CDH6: variants seen among roughly 807,000 people sequenced by gnomAD.
The protein encoded by CDH6 is cadherin-6.
Under a neutral mutation model 78.0 loss-of-function variants are expected in CDH6, and 31 were observed. The ratio of observed to expected loss-of-function variants is 0.40; its 90% confidence interval spans 0.30 to 0.54. CDH6 has a LOEUF of 0.54. Ranked by LOEUF, CDH6 falls within the 20% of genes least tolerant of loss-of-function variation. The pLI is 0.56. For missense variants in CDH6, 724 were observed against 975.9 expected, an observed-to-expected ratio of 0.74 and a Z score of 3.44; for synonymous variants, 376 against 368.8, an observed-to-expected ratio of 1.02 and a Z score of -0.23.
chr5:31,233,766 C>G (rs1741380312), intron 1 of CDH6, among the ~76,000 whole-genome samples: 1 of 152,172 alleles, frequency 6.6e-6, no homozygotes, highest in Admixed American at 6.5e-5. Flanking sequence ...GAGAGGTCCT[C>G]CTTGACTTTA....
At chr5:31,272,403 T>C (rs533422904) in intron 2 of CDH6, among the ~76,000 whole-genome samples, 8 of 152,266 alleles carry the variant, frequency 5.3e-5, no homozygotes, top group Middle Eastern at 3.4e-3. Flanking sequence ...AATAGAAAAA[T>C]AGAGGGAAGC....
At chr5:31,235,236 C>CTTTTTTTTTTTTTTTTTTT (rs543675071) in intron 1 of CDH6, among the ~76,000 whole-genome samples, 2 of 110,644 alleles carry the variant, frequency 1.8e-5, no homozygotes, top group African/African-American at 3.4e-5. Flanking sequence ...ATTCCTTTTT[C>CTTTTTTTTTTTTTTTTTTT]TTTTTTTTTT....
chr5:31,229,356 G>T (rs1461460094), intron 1 of CDH6, among the ~76,000 whole-genome samples: 1 of 152,202 alleles, frequency 6.6e-6, no homozygotes, highest in African/African-American at 2.4e-5. Context: ...AAAATAGATT[G>T]GAGGGTAGGA....
Position 31,317,900 on chromosome 5 carries a change from C to A in CDH6, c.1858C>A (p.Leu620Ile). 1 of 1,613,784 alleles carries A rather than the reference C, an allele frequency of 6.2e-7. No homozygotes were observed. The highest frequency in any genetic ancestry group is 1.3e-5 in the African/African-American group (1 of 75,056). The change falls in exon 11 of 12, where the codon CTT becomes ATT. Residue 620 changes from leucine to isoleucine, a missense_variant. Physicochemically the swap from Leu to Ile is conservative, Grantham distance 5. Transcript: ENST00000265071. ...GAGCACGGGGGCTCTGGTTGCCATCCTTCTGTGCATCGTGATCCTACTAGG... is the reference window on the plus strand; with the variant it reads ...GAGCACGGGGGCTCTGGTTGCCATCATTCTGTGCATCGTGATCCTACTAGG... ...GLSTGALVAILLCIVILLVTV... is the reference protein window; with the variant it reads ...GLSTGALVAIILCIVILLVTV...
rs202029688 is a variant in CDH6, at chr5:31,264,384, C to A, written c.-128-2962C>A. Among the ~76,000 whole-genome samples, 19 of 152,192 alleles carry A rather than the reference C, an allele frequency of 1.2e-4. No individual in the cohort carries two copies. In the East Asian group the frequency reaches 3.7e-3, roughly 29 times the overall value. The stretch of plus-strand genomic sequence containing the variant: ...TGTTCTAAATGGTTTGCATGTAATG[C>A]CTCATTTAATCCTTATAACACCCTA... On this transcript the variant is annotated intron_variant, in intron 1 of 11. Transcript: ENST00000265071.
At chr5:31,278,078 T>G (rs1488510305) in intron 2 of CDH6, among the ~76,000 whole-genome samples, 1 of 152,188 alleles carries the variant, frequency 6.6e-6, no homozygotes, top group East Asian at 1.9e-4. Context: ...AGTATTATAT[T>G]AACTATAGTC....
At chr5:31,280,724 A>T (rs1742840273) in intron 2 of CDH6, among the ~76,000 whole-genome samples, 1 of 152,118 alleles carries the variant, frequency 6.6e-6, no homozygotes, top group South Asian at 2.1e-4. Context: ...CTCTTTGCTA[A>T]TGTTTCAGTT....
chr5:31,317,690 T>C lies in CDH6; in HGVS notation c.1648T>C (p.Leu550=), dbSNP rs1738363107. ...QDNKDNTAGI[L]TRKNGYNRHE... is the part of the protein sequence containing the mutation. ...GGTTCCAGACAACACGGCGGGAATCTTAACTCGGAAAAATGGCTATAATAG... is the reference window on the plus strand; with the variant it reads ...GGTTCCAGACAACACGGCGGGAATCCTAACTCGGAAAAATGGCTATAATAG... The change falls in exon 11 of 12, where the codon TTA becomes CTA. Residue 550 remains leucine, a synonymous_variant. Transcript: ENST00000265071. 1.6e-5 allele frequency: 25 copies of C among 1,609,986 alleles called. No homozygotes were observed. Among genetic ancestry groups the C allele is most frequent in the Non-Finnish European group, 2.0e-5 (24 of 1,176,586 alleles).
intron 7 of CDH6, among the ~76,000 whole-genome samples, chr5:31,312,258 A>T (rs1332400419): frequency 6.6e-6 from 1 of 152,188 alleles, no homozygotes; most frequent in Non-Finnish European, 1.5e-5. Flanking sequence ...CAGCTTCAGC[A>T]TAGCAAAAAT....
At chr5:31,244,924 C>A (rs998296157) in intron 1 of CDH6, among the ~76,000 whole-genome samples, 2 of 152,230 alleles carry the variant, frequency 1.3e-5, no homozygotes, top group Non-Finnish European at 2.9e-5. Context: ...GAGCCCCCCA[C>A]AAACAGCAGC....
At chr5:31,273,162 A>T (rs1282174965) in intron 2 of CDH6, among the ~76,000 whole-genome samples, 1 of 152,236 alleles carries the variant, frequency 6.6e-6, no homozygotes, top group African/African-American at 2.4e-5. Context: ...GTAAACATGA[A>T]GCAATATTTT....
intron 2 of CDH6, among the ~76,000 whole-genome samples, chr5:31,287,006 A>G (rs1743029104): frequency 6.6e-6 from 1 of 152,028 alleles, no homozygotes; most frequent in Non-Finnish European, 1.5e-5. Context: ...TGATTTGGAG[A>G]GAAGGTGATG....
intron 2 of CDH6, among the ~76,000 whole-genome samples, chr5:31,282,079 G>A (rs952951884): frequency 2.2e-4 from 33 of 152,148 alleles, no homozygotes; most frequent in African/African-American, 7.7e-4. Context: ...AGGACCACAC[G>A]CAGTTTCAGT....
At chr5:31,268,558 A>G (rs572435855) in intron 2 of CDH6, among the ~76,000 whole-genome samples, 1 of 152,354 alleles carries the variant, frequency 6.6e-6, no homozygotes, top group African/African-American at 2.4e-5. Flanking sequence ...CCAGGGTTAC[A>G]GGTTCTGTGC....
intron 1 of CDH6, among the ~76,000 whole-genome samples, chr5:31,234,545 G>T (rs571118772): frequency 6.6e-6 from 1 of 152,068 alleles, no homozygotes; most frequent in Non-Finnish European, 1.5e-5. Flanking sequence ...GCTGATAGGT[G>T]GGGAATCCCA....
chr5:31,256,569 C>CTGT, intron 1 of CDH6, among the ~76,000 whole-genome samples: 1 of 152,290 alleles, frequency 6.6e-6, no homozygotes, highest in East Asian at 1.9e-4. Flanking sequence ...TCCAACCTGG[C>CTGT]TGTCTTTTGT....
At chr5:31,200,207 A>G (rs1356012576) in intron 1 of CDH6, among the ~76,000 whole-genome samples, 1 of 152,174 alleles carries the variant, frequency 6.6e-6, no homozygotes, top group Non-Finnish European at 1.5e-5. Flanking sequence ...TTATGAACAT[A>G]ATGATGGTAC....
Position 31,294,050 on chromosome 5 carries a change from A to G in CDH6, c.317A>G (p.Asn106Ser), listed in dbSNP as rs1737501048. Residue 106 changes from asparagine (N) to serine (S), a missense_variant, in exon 3 of 12, where the codon AAC becomes AGC. By Grantham distance (46) the Asn-to-Ser change is conservative. Transcript: ENST00000265071. The surrounding 1 kb of genome is among the most constrained non-coding windows in gnomAD (Gnocchi z 4.1). Reference sequence around the variant, plus strand: ...GGAGATCTCTTCATTATTAATGAAAACACAGGCGACATACAGGCCACCAAG... The same window carrying G: ...GGAGATCTCTTCATTATTAATGAAAGCACAGGCGACATACAGGCCACCAAG... ...GAGDLFIINE[N>S]TGDIQATKRL... The G allele has an allele frequency of 6.2e-7, 1 of 1,613,802 alleles. No individual in the cohort carries two copies. Among genetic ancestry groups the G allele is most frequent in the Non-Finnish European group, 8.5e-7 (1 of 1,179,878 alleles).
Position 31,317,803 on chromosome 5 carries a change from G to A in CDH6, c.1761G>A (p.Arg587=). The part of the protein sequence containing the change: ...VQSSTGTVTV[R]VCACDHHGNM... The stretch of plus-strand genomic sequence containing the variant: ...GCAGCACTGGGACAGTGACTGTCCG[G>A]GTCTGTGCATGTGACCACCACGGGA... The change falls in exon 11 of 12, where the codon CGG becomes CGA. Residue 587 remains arginine, a synonymous_variant. Transcript: ENST00000265071. The A allele has an allele frequency of 6.2e-7, 1 of 1,614,124 alleles. No homozygotes were observed. Among genetic ancestry groups the A allele is most frequent in the South Asian group, 1.1e-5 (1 of 91,070 alleles).
Sources: allele counts gnomAD v4.1 joint callset (sites outside exome capture counted in the v4.1 genomes callset), GRCh38; gene constraint gnomAD v4.1.1; non-coding constraint Gnocchi (gnomAD v3.1); transcripts MANE v1.5; gene names NCBI Gene and HGNC (gene_info 2026-07-23, HGNC 2026-07-21).